Variants in HLCS observed in about 807,000 individuals in gnomAD.
The protein encoded by HLCS is biotin--protein ligase.
HLCS carries 53 observed loss-of-function variants against 75.0 expected under a neutral mutation model. The ratio of observed to expected loss-of-function variants is 0.71; its 90% confidence interval spans 0.57 to 0.89. The LOEUF (loss-of-function observed/expected upper bound fraction) is 0.89, where lower values mean the gene tolerates loss of function less well. HLCS is among the 40% of genes least tolerant of loss of function. The pLI, the probability that HLCS is intolerant of heterozygous loss-of-function variation, is 0.00. For missense variants in HLCS, 966 were observed against 1,074.0 expected (o/e 0.90, Z 1.41); for synonymous variants, 431 against 428.6 (o/e 1.01, Z -0.07).
intron 6 of HLCS, among the ~76,000 whole-genome samples, chr21:36,791,339 C>G (rs188641882): frequency 1.3e-5 from 2 of 152,144 alleles, no homozygotes; most frequent in African/African-American, 4.8e-5. Context: ...TCAGTGAGAC[C>G]GCTTTCAGCA....
intron 6 of HLCS, among the ~76,000 whole-genome samples, chr21:36,824,461 G>A (rs1259673522): frequency 6.6e-6 from 1 of 152,122 alleles, no homozygotes; most frequent in Non-Finnish European, 1.5e-5. Context: ...AGGGGAGGGA[G>A]AGCATCAGAA....
At chr21:36,800,009 G>C (rs2061149343) in intron 6 of HLCS, among the ~76,000 whole-genome samples, 1 of 152,180 alleles carries the variant, frequency 6.6e-6, no homozygotes, top group Non-Finnish European at 1.5e-5. Flanking sequence ...TTTCTAATCA[G>C]GGTGGTGTGA....
At chr21:36,856,868 C>T (rs1341150924) in intron 6 of HLCS, among the ~76,000 whole-genome samples, 3 of 152,150 alleles carry the variant, frequency 2.0e-5, no homozygotes, top group Non-Finnish European at 2.9e-5. Context: ...TTTACTAGCA[C>T]GTAAAACCAC....
chr21:36,847,243 C>T (rs2835489), intron 6 of HLCS, among the ~76,000 whole-genome samples: 61,210 of 151,958 alleles, frequency 0.4, 13,213 homozygotes, highest in African/African-American at 0.55. Flanking sequence ...GAAATAAAGG[C>T]TTGGAGGGCA....
chr21:36,802,937 T>G (rs2061251607), intron 6 of HLCS, among the ~76,000 whole-genome samples: 1 of 152,208 alleles, frequency 6.6e-6, no homozygotes, highest in Non-Finnish European at 1.5e-5. Flanking sequence ...TTCTAATTCT[T>G]ATTTTAGAGG....
chr21:36,854,577 T>G (rs1447036311), intron 6 of HLCS, among the ~76,000 whole-genome samples: 2 of 152,114 alleles, frequency 1.3e-5, no homozygotes, highest in African/African-American at 4.8e-5. Flanking sequence ...GGGGAAAAGC[T>G]TAAGTACTGA....
intron 5 of HLCS, among the ~76,000 whole-genome samples, chr21:36,905,410 T>C (rs1281410632): frequency 6.6e-6 from 1 of 152,204 alleles, no homozygotes; most frequent in African/African-American, 2.4e-5. Context: ...CAGCTAGTTC[T>C]ATTGACAACA....
At chr21:36,971,844 AAT>A (rs2068799490) in intron 1 of HLCS, 2 of 152,166 alleles carry the variant, frequency 1.3e-5, no homozygotes, top group African/African-American at 4.8e-5. Context: ...AAAAAAAAAA[AAT>A]GAAGAGCCAT....
At position 36,826,350 on chromosome 21, in the gene HLCS, A is replaced by C. The variant is rs115944763; in HGVS notation, c.1893-59065T>G. On this transcript the variant is annotated intron_variant, in intron 6 of 10. Coordinates refer to ENST00000674895, the MANE Select transcript of HLCS (RefSeq NM_001352514.2). ...ACTGATCTCCCAGTGAGATACGTGG[A>C]TCTCCAGAGTTCAGTACTCGCTACA... Among the ~76,000 whole-genome samples, 355 of 152,296 alleles carry C rather than the reference A, an allele frequency of 2.3e-3. 4 individuals carry two copies. The highest frequency in any genetic ancestry group is 8.2e-3 in the African/African-American group (342 of 41,554).
At position 36,966,365 on chromosome 21, in the gene HLCS, C is replaced by G. The variant is rs1055700; in HGVS notation, c.195+79G>C. On this transcript the variant is annotated intron_variant, in intron 1 of 10. Coordinates refer to ENST00000674895, the MANE Select transcript of HLCS (RefSeq NM_001352514.2). ...TCCGGGGCTCCCGAACTCCCGGGCTCCCGGCGGGGACGAGGCGCAGGGACG... is the reference window on the plus strand; with the variant it reads ...TCCGGGGCTCCCGAACTCCCGGGCTGCCGGCGGGGACGAGGCGCAGGGACG... 0.6 allele frequency: 408,826 copies of G among 683,040 alleles called. 124,784 individuals carry two copies. The highest frequency in any genetic ancestry group is 0.75 in the East Asian group (5,550 of 7,392). The allele number at this position is 683,040 out of a possible 1,614,324, so 42.3% of individuals were successfully genotyped here.
intron 5 of HLCS, among the ~76,000 whole-genome samples, chr21:36,901,001 C>T (rs988971265): frequency 2.6e-5 from 4 of 152,100 alleles, no homozygotes; most frequent in African/African-American, 7.2e-5. Context: ...TGGCTCACAC[C>T]TGTAATCCCA....
intron 1 of HLCS, chr21:36,986,791 G>C (rs189161723): frequency 1.1e-4 from 17 of 152,318 alleles, no homozygotes; most frequent in Admixed American, 9.8e-4. Flanking sequence ...AAAACAAAGA[G>C]TTCAATCTGT....
chr21:36,884,049 C>A (rs2064344060), intron 6 of HLCS, among the ~76,000 whole-genome samples: 1 of 152,176 alleles, frequency 6.6e-6, no homozygotes, highest in Non-Finnish European at 1.5e-5. Flanking sequence ...GTCACCCAGA[C>A]CCGGAGAGAG....
At chr21:36,783,690 T>C (rs1352955538) in intron 6 of HLCS, among the ~76,000 whole-genome samples, 1 of 152,178 alleles carries the variant, frequency 6.6e-6, no homozygotes, top group East Asian at 1.9e-4. Context: ...TCTGTCTCCC[T>C]ACAGTGGCTT....
At position 36,983,012 on chromosome 21, in the gene HLCS, C is replaced by T. The variant is rs112417432; in HGVS notation, c.-393+7146G>A. Among the ~76,000 whole-genome samples the T allele has an allele frequency of 6.9e-3, 1,044 of 151,604 alleles. 4 individuals carry two copies. Among genetic ancestry groups the T allele is most frequent in the Middle Eastern group, 0.048 (14 of 294 alleles). On this transcript the variant is annotated intron_variant, in intron 1 of 11. Transcript: ENST00000336648. ...TTGTGCCAATGCACTACAGCCTGGG[C>T]GACACAGCGAGACTCCGTCTCAAAA...
chr21:36,824,745 G>A (rs2061954829), intron 6 of HLCS, among the ~76,000 whole-genome samples: 1 of 152,204 alleles, frequency 6.6e-6, no homozygotes, highest in Admixed American at 6.5e-5. Context: ...ACTTGGGTGA[G>A]AGGTACTAAC....
At chr21:36,894,029 C>T (rs2064905215) in intron 6 of HLCS, among the ~76,000 whole-genome samples, 1 of 152,156 alleles carries the variant, frequency 6.6e-6, no homozygotes, top group Non-Finnish European at 1.5e-5. Context: ...GGAGGAGGGC[C>T]TGGTGGGAGG....
At chr21:36,773,464 C>T (rs1279376223) in intron 6 of HLCS, among the ~76,000 whole-genome samples, 7 of 152,266 alleles carry the variant, frequency 4.6e-5, no homozygotes, top group Admixed American at 4.6e-4. Context: ...AAACACACCC[C>T]AAACCCTCCT....
At position 36,936,747 on chromosome 21, in the gene HLCS, A is replaced by C. The variant is rs1246942409; in HGVS notation, c.1139T>G (p.Phe380Cys). ...CCCTCCCTGAGAAAGATAGGCCATG[A>C]ACTTCTGGTACAGGTCTTCGGGAAT... ...ESIPEDLYQKFMAYLSQGGKV... is the reference protein window; with the variant it reads ...ESIPEDLYQKCMAYLSQGGKV... The change falls in exon 4 of 11, where the codon TTC becomes TGC. Residue 380 changes from phenylalanine to cysteine, a missense_variant. Phe to Cys is a radical substitution (Grantham distance 205, BLOSUM62 -2). Coordinates refer to ENST00000674895, the MANE Select transcript of HLCS (RefSeq NM_001352514.2). 4 of 1,614,102 alleles carry C rather than the reference A, an allele frequency of 2.5e-6. No homozygotes were observed. The African/African-American group carries it at 5.3e-5, about 22-fold the overall frequency.
Sources: gnomAD v4.1 joint callset for allele counts (sites outside exome capture counted in the v4.1 genomes callset) on GRCh38, gnomAD v4.1.1 for gene constraint, MANE v1.5 for transcripts, NCBI Gene and HGNC (gene_info 2026-07-23, HGNC 2026-07-21) for gene names.